Variants in DOCK1 observed in about 807,000 individuals in gnomAD.
DOCK1 encodes the protein dedicator of cytokinesis 1.
DOCK1 carries 138 observed loss-of-function variants against 262.7 expected under a neutral mutation model. That is an observed-to-expected ratio of 0.53 (90% CI 0.46 to 0.61). The LOEUF is 0.61. Among genes scored for constraint, DOCK1 ranks in the 20% least tolerant of loss-of-function variants. The probability of loss-of-function intolerance (pLI) is 0.00; values close to 1 mark genes in which losing one functional copy is unlikely to be tolerated. For missense variants in DOCK1, 1,908 were observed against 2,370.7 expected (o/e 0.80, Z 4.05); for synonymous variants, 866 against 867.4 (o/e 1.00, Z 0.03).
In DOCK1 at chr10:127,211,460, G is replaced by A. The variant is rs1359440125; in HGVS notation, c.2848-36548G>A. Among the ~76,000 whole-genome samples, 4 of 152,244 alleles carry A rather than the reference G, an allele frequency of 2.6e-5. No individual in the cohort carries two copies. In the East Asian group the frequency reaches 5.8e-4, roughly 22 times the overall value. ...CCGATTTGGTGTCTTTATAGACATC[G>A]CCATCCCCTGTTAGTGAATTTGGGG... On this transcript the variant is annotated intron_variant, in intron 27 of 51. Transcript: ENST00000623213.
intron 46 of DOCK1, among the ~76,000 whole-genome samples, chr10:127,424,000 C>T (rs529948039): frequency 6.6e-6 from 1 of 152,268 alleles, no homozygotes; most frequent in Admixed American, 6.5e-5. Flanking sequence ...CAGGAATCCA[C>T]CTGAGATTCT....
At chr10:127,147,651 C>T (rs1490854276) in intron 27 of DOCK1, among the ~76,000 whole-genome samples, 3 of 152,054 alleles carry the variant, frequency 2.0e-5, no homozygotes, top group Non-Finnish European at 2.9e-5. Flanking sequence ...TTAGGAGGTC[C>T]CTTGAAAAAC....
intron 29 of DOCK1, among the ~76,000 whole-genome samples, chr10:127,279,407 G>A (rs2060863035): frequency 2.0e-5 from 3 of 152,200 alleles, no homozygotes; most frequent in African/African-American, 7.2e-5. Flanking sequence ...AAGGTCACAT[G>A]GCTAATAAGG....
chr10:126,944,215 A>AG (rs1185167365), intron 1 of DOCK1, among the ~76,000 whole-genome samples: 4 of 137,704 alleles, frequency 2.9e-5, no homozygotes, highest in African/African-American at 5.5e-5. Context: ...AGACGAGGGG[A>AG]GGGAAGTGTC....
intron 27 of DOCK1, among the ~76,000 whole-genome samples, chr10:127,229,241 A>T (rs2058751198): frequency 6.6e-6 from 1 of 152,048 alleles, no homozygotes; most frequent in Non-Finnish European, 1.5e-5. Flanking sequence ...AACAAAACCA[A>T]CCAACCAAAC....
chr10:127,345,719 G>T (rs1387738452), intron 31 of DOCK1, among the ~76,000 whole-genome samples: 1 of 152,210 alleles, frequency 6.6e-6, no homozygotes, highest in Non-Finnish European at 1.5e-5. Flanking sequence ...ACAGGTGTCT[G>T]TCGCTCGTCC....
intron 27 of DOCK1, among the ~76,000 whole-genome samples, chr10:127,218,510 C>A (rs902291035): frequency 1.3e-5 from 2 of 152,158 alleles, no homozygotes; most frequent in South Asian, 2.1e-4. Context: ...CCCCATCATA[C>A]CTGTGATTAT....
intron 38 of DOCK1, among the ~76,000 whole-genome samples, chr10:127,389,399 G>A (rs574090007): frequency 1.3e-5 from 2 of 152,288 alleles, no homozygotes; most frequent in South Asian, 2.1e-4. Context: ...TTGAAGTTGG[G>A]AGGGCCCAGG....
chr10:126,947,241 TTGA>T (rs1196276217), intron 1 of DOCK1, among the ~76,000 whole-genome samples: 1 of 151,964 alleles, frequency 6.6e-6, no homozygotes, highest in Non-Finnish European at 1.5e-5. Context: ...GGTAATGTGG[TTGA>T]TGATGGTGGT....
In DOCK1 at chr10:127,402,453, G is replaced by A. The variant is rs572725492; in HGVS notation, c.3928-602G>A. Among the ~76,000 whole-genome samples, 9 of 152,198 alleles carry A rather than the reference G, an allele frequency of 5.9e-5. No homozygotes were observed. The South Asian group carries it at 1.9e-3, about 32-fold the overall frequency. The stretch of plus-strand genomic sequence containing the variant: ...TTATCAACATTTTAATCACTTATTT[G>A]GAAAGTTACTTACCTTACAAAGTTC... On this transcript the variant is annotated intron_variant, in intron 38 of 51. Coordinates refer to ENST00000623213, the MANE Select transcript of DOCK1 (RefSeq NM_001290223.2).
At chr10:126,917,964 G>A (rs74745714) in intron 1 of DOCK1, among the ~76,000 whole-genome samples, 13,006 of 152,264 alleles carry the variant, frequency 0.085, 761 homozygotes, top group East Asian at 0.15. Flanking sequence ...GTTCTTGTTA[G>A]CCAGGCATAG....
chr10:127,181,027 T>G (rs921515228), intron 27 of DOCK1, among the ~76,000 whole-genome samples: 1 of 152,112 alleles, frequency 6.6e-6, no homozygotes, highest in African/African-American at 2.4e-5. Context: ...GAAGCAGGCC[T>G]CTGGAAGGCA....
At chr10:127,040,005 A>G (rs933230467) in intron 19 of DOCK1, among the ~76,000 whole-genome samples, 1 of 152,020 alleles carries the variant, frequency 6.6e-6, no homozygotes, top group Non-Finnish European at 1.5e-5. Flanking sequence ...GCAGCTCCGC[A>G]GCCCAATACG....
chr10:127,193,756 T>A (rs970485951), intron 27 of DOCK1, among the ~76,000 whole-genome samples: 15 of 152,064 alleles, frequency 9.9e-5, no homozygotes, highest in Non-Finnish European at 1.5e-5. Flanking sequence ...TTTAAAAATT[T>A]TTCCCTACAG....
At chr10:127,046,933 C>G (rs943244887) in intron 21 of DOCK1, among the ~76,000 whole-genome samples, 2 of 152,112 alleles carry the variant, frequency 1.3e-5, no homozygotes, top group African/African-American at 2.4e-5. Flanking sequence ...GTCAGTACCC[C>G]AGCAGATTGC....
intron 22 of DOCK1, among the ~76,000 whole-genome samples, chr10:127,054,061 A>G (rs1447131249): frequency 3.3e-5 from 5 of 152,214 alleles, no homozygotes; most frequent in Admixed American, 2.0e-4. Context: ...CTTGTAACCT[A>G]TTAACGAGAA....
intron 1 of DOCK1, among the ~76,000 whole-genome samples, chr10:126,913,350 A>G (rs1363543164): frequency 6.6e-6 from 1 of 152,076 alleles, no homozygotes; most frequent in Non-Finnish European, 1.5e-5. Flanking sequence ...CTGGAATCCC[A>G]GTTGGACAGT....
chr10:127,420,197 C>T (rs891131212), intron 46 of DOCK1, among the ~76,000 whole-genome samples: 3 of 152,188 alleles, frequency 2.0e-5, no homozygotes, highest in African/African-American at 4.8e-5. Context: ...CGGTGGTGTG[C>T]GTCCTCATCT....
At chr10:127,015,274 C>T (rs181202829) in intron 12 of DOCK1, 4 of 152,364 alleles carry the variant, frequency 2.6e-5, no homozygotes, top group East Asian at 3.9e-4. Flanking sequence ...TCTATGTGGC[C>T]TCTCCCTCTG....
Sources: allele counts gnomAD v4.1 joint callset (sites outside exome capture counted in the v4.1 genomes callset), GRCh38; gene constraint gnomAD v4.1.1; transcripts MANE v1.5; gene names NCBI Gene and HGNC (gene_info 2026-07-23, HGNC 2026-07-21).